WDR27: variants seen among roughly 807,000 people sequenced by gnomAD.
WDR27 encodes the protein WD repeat-containing protein 27.
WDR27 carries 100 observed loss-of-function variants against 114.4 expected under a neutral mutation model. That is an observed-to-expected ratio of 0.87 (90% CI 0.74 to 1.03). The LOEUF (loss-of-function observed/expected upper bound fraction) is 1.03, where lower values mean the gene tolerates loss of function less well. WDR27 is among the 50% of genes least tolerant of loss of function. WDR27 has a pLI of 0.00. For missense variants in WDR27, 1,129 were observed against 1,092.9 expected, an observed-to-expected ratio of 1.03 and a Z score of -0.47; for synonymous variants, 449 against 423.1, an observed-to-expected ratio of 1.06 and a Z score of -0.75.
chr6:169,525,825 T>C (rs3006201), intron 25 of WDR27, among the ~76,000 whole-genome samples: 126,033 of 152,156 alleles, frequency 0.83, 53,534 homozygotes, highest in Non-Finnish European at 0.93. Flanking sequence ...AGCCAAAATA[T>C]AGAATCAATG....
chr6:169,663,192 A>C lies in WDR27; in HGVS notation c.905-768T>G, dbSNP rs528223944. Among the ~76,000 whole-genome samples the C allele has an allele frequency of 4.6e-5, 7 of 152,278 alleles. No individual in the cohort carries two copies. The South Asian group carries it at 1.5e-3, about 32-fold the overall frequency. On this transcript the variant is annotated intron_variant, in intron 8 of 25. Transcript: ENST00000448612. ...AAAGAGGAGATAATCAATTGAAAGA[A>C]CTTAACTTCATATTTCCTAAAACTA...
chr6:169,651,835 G>A, intron 14 of WDR27, 95 bp downstream of exon 14: 2 of 1,081,812 alleles, frequency 1.8e-6, no homozygotes, highest in East Asian at 5.0e-5. Context: ...CCATACTGTG[G>A]CCCTCGGGGA....
chr6:169,561,603 A>C (rs531323463), intron 25 of WDR27, among the ~76,000 whole-genome samples: 24 of 152,102 alleles, frequency 1.6e-4, no homozygotes, highest in Non-Finnish European at 3.2e-4. Context: ...TGATAAATGG[A>C]AATACAAAAA....
chr6:169,683,594 C>T (rs1160043914), intron 2 of WDR27, among the ~76,000 whole-genome samples: 1 of 152,072 alleles, frequency 6.6e-6, no homozygotes, highest in Non-Finnish European at 1.5e-5. Flanking sequence ...AGGAAGAGCA[C>T]TGCAACACAG....
At chr6:169,577,338 G>C (rs1430819892) in intron 24 of WDR27, among the ~76,000 whole-genome samples, 1 of 152,142 alleles carries the variant, frequency 6.6e-6, no homozygotes, top group Admixed American at 6.5e-5. Context: ...CAGGAATGGC[G>C]CCCCCCGATG....
intron 24 of WDR27, among the ~76,000 whole-genome samples, chr6:169,575,641 A>C (rs1284393856): frequency 6.6e-6 from 1 of 152,184 alleles, no homozygotes; most frequent in Non-Finnish European, 1.5e-5. Context: ...AGGCCAACAC[A>C]TGCACTTTAC....
intron 23 of WDR27, among the ~76,000 whole-genome samples, chr6:169,597,631 C>G (rs1406978219): frequency 6.6e-6 from 1 of 152,090 alleles, no homozygotes; most frequent in Non-Finnish European, 1.5e-5. Flanking sequence ...ATATTCATAG[C>G]CTCAGCCCTG....
downstream of WDR27, among the ~76,000 whole-genome samples, chr6:169,453,472 G>T (rs901627571): frequency 6.6e-6 from 1 of 152,112 alleles, no homozygotes; most frequent in African/African-American, 2.4e-5. Context: ...CTCACATGCT[G>T]GGACACATTG....
intron 22 of WDR27, among the ~76,000 whole-genome samples, chr6:169,611,726 G>A (rs1810579499): frequency 6.6e-6 from 1 of 152,032 alleles, no homozygotes; most frequent in Admixed American, 6.6e-5. Context: ...ACAAACATTA[G>A]CCTAGGCCTG....
intron 9 of WDR27, among the ~76,000 whole-genome samples, chr6:169,661,061 G>C (rs78941587): frequency 0.066 from 9,794 of 148,206 alleles, 391 homozygotes; most frequent in African/African-American, 0.085. Context: ...CGCAGGAGTG[G>C]AGAGCGTGGG....
At chr6:169,571,960 TGTCA>T (rs1421035776) in intron 25 of WDR27, among the ~76,000 whole-genome samples, 4 of 152,200 alleles carry the variant, frequency 2.6e-5, no homozygotes, top group African/African-American at 9.6e-5. Flanking sequence ...ATATTGGCAC[TGTCA>T]GTCAGGAATT....
intron 24 of WDR27, among the ~76,000 whole-genome samples, chr6:169,579,946 G>A (rs1803095467): frequency 6.6e-6 from 1 of 152,186 alleles, no homozygotes; most frequent in Non-Finnish European, 1.5e-5. Context: ...GACTTGTCCT[G>A]TAAAATTCTG....
At chr6:169,547,978 T>C (rs1284760308) in intron 25 of WDR27, among the ~76,000 whole-genome samples, 1 of 151,312 alleles carries the variant, frequency 6.6e-6, no homozygotes, top group Admixed American at 6.6e-5. Context: ...TCAAGGTCAA[T>C]ATACAAAAGT....
chr6:169,510,135 G>C (rs1440249528), intron 25 of WDR27, among the ~76,000 whole-genome samples: 2 of 152,134 alleles, frequency 1.3e-5, no homozygotes, highest in Non-Finnish European at 2.9e-5. Flanking sequence ...GAAACAACAG[G>C]TGCTGGAGAG....
chr6:169,445,220 T>C, the WDR27 span, among the ~76,000 whole-genome samples: 81 of 152,312 alleles, frequency 5.3e-4, 1 homozygote, highest in African/African-American at 1.6e-3. Context: ...TCTTAAGTCT[T>C]CTAATTTGCT....
intron 8 of WDR27, among the ~76,000 whole-genome samples, chr6:169,663,378 AAGAATGAGTAACC>A: frequency 6.6e-6 from 1 of 152,310 alleles, no homozygotes; most frequent in Admixed American, 6.5e-5. Context: ...ACCTAAAAGA[AAGAATGAGTAACC>A]AGAATGAGGA....
intron 25 of WDR27, among the ~76,000 whole-genome samples, chr6:169,496,443 GC>G (rs1344051429): frequency 1.3e-5 from 2 of 152,026 alleles, no homozygotes; most frequent in African/African-American, 4.8e-5. Flanking sequence ...AAAAGTTCTA[GC>G]CAGAAATTAA....
chr6:169,612,675 T>C (rs1164154950), intron 22 of WDR27, among the ~76,000 whole-genome samples: 1 of 148,458 alleles, frequency 6.7e-6, no homozygotes, highest in Non-Finnish European at 1.5e-5. Flanking sequence ...TTCTGGACAC[T>C]TCCTGCAGGA....
chr6:169,467,043 G>C (rs995467812), intron 25 of WDR27, among the ~76,000 whole-genome samples: 1 of 152,154 alleles, frequency 6.6e-6, no homozygotes, highest in Admixed American at 6.5e-5. Flanking sequence ...TCCCAGAAGA[G>C]TCCAAAATCC....
Sources: gnomAD v4.1 joint callset for allele counts (sites outside exome capture counted in the v4.1 genomes callset) on GRCh38, gnomAD v4.1.1 for gene constraint, MANE v1.5 for transcripts, NCBI Gene and HGNC (gene_info 2026-07-23, HGNC 2026-07-21) for gene names.